The following CGAS variants were observed in gnomAD, a reference collection of about 807,000 sequenced individuals.
CGAS encodes 2'3'-cGAMP synthase.
A neutral mutation model predicts 34.0 loss-of-function variants in CGAS; 31 were observed. That is an observed-to-expected ratio of 0.91 (90% CI 0.69 to 1.23). The LOEUF is 1.23. Ranked by LOEUF, CGAS falls within the 50% of genes most tolerant of loss-of-function variation. The probability of loss-of-function intolerance (pLI) is 0.00; values close to 1 mark genes in which losing one functional copy is unlikely to be tolerated. For synonymous variants in CGAS, 266 were observed against 260.0 expected (o/e 1.02, Z -0.22); for missense variants, 597 against 657.6 (o/e 0.91, Z 1.01).
chr6:73,446,798 T>C (rs553942329), intron 1 of CGAS, among the ~76,000 whole-genome samples: 15 of 147,992 alleles, frequency 1.0e-4, no homozygotes, highest in Admixed American at 8.2e-4. Context: ...TGGCTCACGC[T>C]TGTAATCCCA....
At chr6:73,450,347 G>A (rs1157829483) in intron 1 of CGAS, among the ~76,000 whole-genome samples, 1 of 151,708 alleles carries the variant, frequency 6.6e-6, no homozygotes, top group African/African-American at 2.4e-5. Context: ...CCTGGGAGGT[G>A]GAGGTTGAGG....
chr6:73,434,132 G>C (rs1378339549), intron 3 of CGAS, among the ~76,000 whole-genome samples: 2 of 152,148 alleles, frequency 1.3e-5, no homozygotes, highest in African/African-American at 4.8e-5. Context: ...GATTTTAATG[G>C]GACAGAATAA....
Position 73,428,716 on chromosome 6 carries a change from A to C in CGAS, c.1210T>G (p.Cys404Gly). The change falls in exon 4 of 5, where the codon TGT (cysteine) becomes GGT (glycine). Residue 404 changes from cysteine (C) to glycine (G), a missense_variant. Cys to Gly is a radical substitution (Grantham distance 159). Around this residue, in one of 3 missense-constraint regions of CGAS, gnomAD observed 271 missense variants for 324.1 expected, o/e 0.84. Coordinates refer to ENST00000370315, the MANE Select transcript of CGAS (RefSeq NM_138441.3). ...KTCCENKEEK[C>G]CRKDCLKLMK... ...ACAAAATAAGGCTGTTACCTGCAACATTTCTCTTCTTTGTTTTCACAGCAC... is the reference window on the plus strand; with the variant it reads ...ACAAAATAAGGCTGTTACCTGCAACCTTTCTCTTCTTTGTTTTCACAGCAC... The C allele has an allele frequency of 6.2e-7, 1 of 1,609,520 alleles. No individual in the cohort carries two copies. The highest frequency in any genetic ancestry group is 1.7e-4 in the Middle Eastern group (1 of 6,034).
chr6:73,426,388 C>A (rs1390606033), intron 4 of CGAS, among the ~76,000 whole-genome samples: 2 of 150,678 alleles, frequency 1.3e-5, no homozygotes, highest in African/African-American at 2.5e-5. Context: ...AACAGTCACA[C>A]TAAAATCTGA....
rs770066544 is a variant in CGAS, at chr6:73,428,798, C to T, written c.1128G>A (p.Arg376=). ...CCTTTTCGATGTGAGAGAAGGATAG[C>T]CGCCATGTTTCTTCTTAATTTCAAA... The part of the protein sequence containing the change: ...EGNGFQEETW[R]LSFSHIEKEI... The change falls in exon 4 of 5, where the codon CGG becomes CGA. Residue 376 remains arginine (R), a synonymous_variant. Transcript: ENST00000370315. 1.9e-5 allele frequency: 31 copies of T among 1,612,276 alleles called. No homozygotes were observed. The East Asian group carries it at 3.6e-4, about 19-fold the overall frequency.
intron 3 of CGAS, among the ~76,000 whole-genome samples, chr6:73,431,881 G>A (rs1239866040): frequency 6.6e-6 from 1 of 152,126 alleles, no homozygotes; most frequent in Non-Finnish European, 1.5e-5. Flanking sequence ...TATCACCCAG[G>A]CTGGAGTGCG....
chr6:73,448,435 A>T (rs914517515), intron 1 of CGAS, among the ~76,000 whole-genome samples: 1 of 152,134 alleles, frequency 6.6e-6, no homozygotes, highest in East Asian at 1.9e-4. Context: ...AACAAAAAAA[A>T]CTACAATTAA....
At chr6:73,429,787 C>T (rs1043683448) in intron 3 of CGAS, among the ~76,000 whole-genome samples, 5 of 151,806 alleles carry the variant, frequency 3.3e-5, no homozygotes, top group African/African-American at 1.2e-4. Flanking sequence ...GATCGCGCCA[C>T]TGCACTCCAG....
chr6:73,430,999 G>A (rs1290281863), intron 3 of CGAS, among the ~76,000 whole-genome samples: 1 of 152,160 alleles, frequency 6.6e-6, no homozygotes. Context: ...CTACTCAGGA[G>A]GCTGAGGCAG....
At chr6:73,426,925 A>G in intron 4 of CGAS, among the ~76,000 whole-genome samples, 1 of 150,112 alleles carries the variant, frequency 6.7e-6, no homozygotes, top group Non-Finnish European at 1.5e-5. Flanking sequence ...ATCTCAGCTC[A>G]CCGCAACCTC....
In CGAS at chr6:73,425,105, C is replaced by T. The variant is rs1412999982; in HGVS notation, c.*122G>A. 1.4e-5 allele frequency: 9 copies of T among 664,470 alleles called. No individual in the cohort carries two copies. The highest frequency in any genetic ancestry group is 3.0e-5 in the East Asian group (1 of 33,632). 41.2% of individuals were successfully genotyped at this position (664,470 alleles called of 1,614,324 possible). On this transcript the variant is annotated 3_prime_UTR_variant, in exon 5 of 5. Transcript: ENST00000370315. ...CTGACCTCAAGTGATCCGCCTGCCT[C>T]GGCCTCCAAAGAGCTGGGATTACAG...
At position 73,445,755 on chromosome 6, in the gene CGAS, A is replaced by G. The variant is rs776988239; in HGVS notation, c.658-8T>C. 1.3e-5 allele frequency: 20 copies of G among 1,579,974 alleles called. No homozygotes were observed. The highest frequency in any genetic ancestry group is 1.6e-5 in the Non-Finnish European group (19 of 1,162,798). On this transcript the variant is annotated splice_region_variant and splice_polypyrimidine_tract_variant and intron_variant, in intron 1 of 4. Transcript: ENST00000370315. ...TTCATTAGGTGCAGAAATCTAAGAA[A>G]CAGTAAAAATAGTACTGAAATATTT...
At chr6:73,450,763 C>T (rs1770550707) in intron 1 of CGAS, among the ~76,000 whole-genome samples, 2 of 151,966 alleles carry the variant, frequency 1.3e-5, no homozygotes, top group Admixed American at 1.3e-4. Flanking sequence ...CCGAGACGAG[C>T]GAATCAAGAG....
chr6:73,445,070 G>A (rs529752005), intron 2 of CGAS, among the ~76,000 whole-genome samples: 2 of 152,156 alleles, frequency 1.3e-5, no homozygotes, highest in Admixed American at 6.6e-5. Flanking sequence ...TGTTAAGGAC[G>A]TAGCTGGATA....
In CGAS at chr6:73,445,634, C is replaced by A. The variant is rs777110749; in HGVS notation, c.771G>T (p.Pro257=). ...AAAACTGACTCAGAGGATTTTCTTT[C>A]GGATTTCTTTTAAATTTCACAAAGT... is the stretch of plus-strand genomic sequence containing the variant. The part of the protein sequence containing the change: ...AYYFVKFKRN[P]KENPLSQFLE... The change falls in exon 2 of 5, where the codon CCG becomes CCT. Residue 257 remains proline, a synonymous_variant. Transcript: ENST00000370315. The A allele has an allele frequency of 6.2e-7, 1 of 1,612,310 alleles. No individual in the cohort carries two copies.
intron 3 of CGAS, among the ~76,000 whole-genome samples, chr6:73,437,434 C>G (rs1304912025): frequency 6.6e-6 from 1 of 150,930 alleles, no homozygotes; most frequent in East Asian, 1.9e-4. Flanking sequence ...TGTCCAGAGA[C>G]TTTTTTTTTG....
chr6:73,440,331 G>A lies in CGAS; in HGVS notation c.992C>T (p.Pro331Leu). 2 of 1,614,190 alleles carry A rather than the reference G, an allele frequency of 1.2e-6. No individual in the cohort carries two copies. The highest frequency in any genetic ancestry group is 2.2e-5 in the South Asian group (2 of 91,086). The change falls in exon 3 of 5, where the codon CCT becomes CTT. Residue 331 changes from proline to leucine, a missense_variant. Physicochemically the swap from Pro to Leu is moderately conservative, Grantham distance 98. Transcript: ENST00000370315. Reference protein sequence around the residue: ...TLALESKSSWPASTQEGLRIQ... With the variant: ...TLALESKSSWLASTQEGLRIQ... ...GCGCAGGCCTTCTTGGGTGCTAGCA[G>A]GCCAGCTACTTTTTGATTCCAAAGC...
chr6:73,425,437 A>T lies in CGAS; in HGVS notation c.1359T>A (p.Ser453Arg). 3 of 1,614,146 alleles carry T rather than the reference A, an allele frequency of 1.9e-6. No homozygotes were observed. The highest frequency in any genetic ancestry group is 1.3e-5 in the African/African-American group (1 of 75,034). The change falls in exon 5 of 5, where the codon AGT becomes AGA. Residue 453 changes from serine (S) to arginine (R), a missense_variant. By Grantham distance (110) the Ser-to-Arg change is moderately radical (BLOSUM62 -1). Coordinates refer to ENST00000370315, the MANE Select transcript of CGAS (RefSeq NM_138441.3). Reference protein sequence around the residue: ...FHVCTQNPQDSQWDRKDLGLC... With the variant: ...FHVCTQNPQDRQWDRKDLGLC... ...GGCCCAGGTCTTTGCGGTCCCACTG[A>T]CTGTCTTGAGGGTTCTGGGTACATA... is the stretch of plus-strand genomic sequence containing the variant.
chr6:73,425,211 T>G lies in CGAS; in HGVS notation c.*16A>C. Reference sequence around the variant, plus strand: ...TAGGGTGACTCTAGTTCTTAGATCTTTCTAAAAATACAATCTCAAAATTCA... The same window carrying G: ...TAGGGTGACTCTAGTTCTTAGATCTGTCTAAAAATACAATCTCAAAATTCA... On this transcript the variant is annotated 3_prime_UTR_variant, in exon 5 of 5. Transcript: ENST00000370315. The G allele has an allele frequency of 6.6e-7, 1 of 1,522,364 alleles. No homozygotes were observed. The highest frequency in any genetic ancestry group is 8.9e-7 in the Non-Finnish European group (1 of 1,129,002). The allele number at this position is 1,522,364 out of a possible 1,614,324, so 94.3% of individuals were successfully genotyped here.
Sources: allele counts gnomAD v4.1 joint callset (sites outside exome capture counted in the v4.1 genomes callset), GRCh38; gene constraint gnomAD v4.1.1; regional missense constraint gnomAD v4.1.1; transcripts MANE v1.5; gene names NCBI Gene and HGNC (gene_info 2026-07-23, HGNC 2026-07-21).